Variants in TECRL observed in about 807,000 individuals in gnomAD.
TECRL encodes the protein trans-2,3-enoyl-CoA reductase-like.
Under a neutral mutation model 52.8 loss-of-function variants are expected in TECRL, and 63 were observed. The ratio of observed to expected loss-of-function variants is 1.19; its 90% CI spans 0.97 to 1.47. The LOEUF is 1.47. TECRL is among the 40% of genes most tolerant of loss of function. TECRL has a pLI of 0.00. For synonymous variants in TECRL, 164 were observed against 141.9 expected (o/e 1.16, Z -1.10); for missense variants, 482 against 429.6 (o/e 1.12, Z -1.08).
At chr4:64,390,199 A>G (rs957017962) in intron 1 of TECRL, among the ~76,000 whole-genome samples, 7 of 151,946 alleles carry the variant, frequency 4.6e-5, no homozygotes, top group Non-Finnish European at 7.4e-5. Flanking sequence ...GGCTCCTTAC[A>G]TAATTAAAGT....
chr4:64,286,170 C>T (rs1388515610), intron 9 of TECRL, among the ~76,000 whole-genome samples: 1 of 151,904 alleles, frequency 6.6e-6, no homozygotes, highest in Non-Finnish European at 1.5e-5. Context: ...AGAACACACA[C>T]ACACACAATT....
intron 2 of TECRL, among the ~76,000 whole-genome samples, chr4:64,334,617 G>A (rs1718911597): frequency 6.6e-6 from 1 of 152,114 alleles, no homozygotes; most frequent in Non-Finnish European, 1.5e-5. Context: ...TACAAAGATA[G>A]AGTGCACTAA....
At chr4:64,303,499 G>A (rs1449416767) in intron 7 of TECRL, among the ~76,000 whole-genome samples, 1 of 151,694 alleles carries the variant, frequency 6.6e-6, no homozygotes, top group African/African-American at 2.4e-5. Context: ...ACAGTTTACT[G>A]TTATCTGTAT....
chr4:64,375,068 A>G, intron 2 of TECRL, 104 bp downstream of exon 2: 1 of 458,612 alleles, frequency 2.2e-6, no homozygotes, highest in Non-Finnish European at 3.7e-6. Context: ...TTGTAGAACT[A>G]TGGTTTTCAT....
intron 1 of TECRL, among the ~76,000 whole-genome samples, chr4:64,388,876 A>T (rs1472941827): frequency 6.6e-6 from 1 of 151,880 alleles, no homozygotes; most frequent in Non-Finnish European, 1.5e-5. Context: ...ATAATTTTGA[A>T]TTGCTCTTAT....
chr4:64,333,537 A>C (rs1453168609), intron 2 of TECRL, among the ~76,000 whole-genome samples: 1 of 152,194 alleles, frequency 6.6e-6, no homozygotes, highest in Non-Finnish European at 1.5e-5. Context: ...ATTATATACA[A>C]TGTGATTATA....
At chr4:64,354,747 C>A (rs1720645769) in intron 2 of TECRL, among the ~76,000 whole-genome samples, 1 of 152,070 alleles carries the variant, frequency 6.6e-6, no homozygotes, top group Admixed American at 6.6e-5. Flanking sequence ...ATAAACTAAG[C>A]TAGGTGATAA....
Position 64,285,834 on chromosome 4 carries a change from G to T in TECRL, c.832+3876C>A, listed in dbSNP as rs192342358. 2.7e-3 allele frequency among the ~76,000 whole-genome samples: 404 copies of T among 152,158 alleles called. 1 individual carries two copies. Among genetic ancestry groups the T allele is most frequent in the Non-Finnish European group, 4.4e-3 (299 of 67,990 alleles). On this transcript the variant is annotated intron_variant, in intron 9 of 11. Coordinates refer to ENST00000381210, the MANE Select transcript of TECRL (RefSeq NM_001010874.5). ...GCCCAGAGAAGTTTGCTCAGAGAGG[G>T]AAGGCATCATGTGGAAGCTTAAAAG...
intron 1 of TECRL, among the ~76,000 whole-genome samples, chr4:64,390,187 G>T (rs2109743609): frequency 6.6e-6 from 1 of 151,984 alleles, no homozygotes; most frequent in African/African-American, 2.4e-5. Context: ...ATAAAAAATT[G>T]AGGCTCCTTA....
At chr4:64,318,702 T>A (rs62408515) in intron 4 of TECRL, among the ~76,000 whole-genome samples, 156 of 152,102 alleles carry the variant, frequency 1.0e-3, no homozygotes, top group Middle Eastern at 3.4e-3. Context: ...ACTGCCAACA[T>A]AAACTTATTT....
chr4:64,377,910 T>A (rs929632884), intron 1 of TECRL, among the ~76,000 whole-genome samples: 1 of 152,106 alleles, frequency 6.6e-6, no homozygotes, highest in Non-Finnish European at 1.5e-5. Context: ...CTGCTCATCC[T>A]GATTACAGCA....
chr4:64,356,233 A>T, intron 2 of TECRL, among the ~76,000 whole-genome samples: 1 of 152,092 alleles, frequency 6.6e-6, no homozygotes, highest in East Asian at 1.9e-4. Flanking sequence ...TCCCCATGTG[A>T]TAGTCTGAAA....
chr4:64,380,085 G>A (rs1722676838), intron 1 of TECRL, among the ~76,000 whole-genome samples: 1 of 151,988 alleles, frequency 6.6e-6, no homozygotes, highest in Non-Finnish European at 1.5e-5. Flanking sequence ...TTCCATAATA[G>A]CCATTCATAC....
At chr4:64,290,288 A>G (rs1302344497) in intron 8 of TECRL, among the ~76,000 whole-genome samples, 2 of 128,142 alleles carry the variant, frequency 1.6e-5, no homozygotes, top group Non-Finnish European at 3.3e-5. Context: ...TATGCACTCT[A>G]CTAGTTGTCC....
At chr4:64,339,834 T>A (rs1719424654) in intron 2 of TECRL, among the ~76,000 whole-genome samples, 1 of 152,188 alleles carries the variant, frequency 6.6e-6, no homozygotes, top group African/African-American at 2.4e-5. Flanking sequence ...CATTCCTTGA[T>A]TTTCCAAGAA....
chr4:64,302,528 T>C (rs954774969), intron 7 of TECRL, among the ~76,000 whole-genome samples: 3 of 151,510 alleles, frequency 2.0e-5, no homozygotes, highest in African/African-American at 7.2e-5. Context: ...ATACCTTATA[T>C]AAAGTGAAAG....
chr4:64,313,613 C>G (rs1374328708), intron 5 of TECRL, among the ~76,000 whole-genome samples: 1 of 149,686 alleles, frequency 6.7e-6, no homozygotes, highest in African/African-American at 2.4e-5. Context: ...TCCCGAGTAG[C>G]TGGGACTACA....
intron 1 of TECRL, among the ~76,000 whole-genome samples, chr4:64,380,067 C>T (rs1228939802): frequency 6.6e-6 from 1 of 152,004 alleles, no homozygotes; most frequent in African/African-American, 2.4e-5. Context: ...TTTGTTTTGC[C>T]TTTGTCTTTC....
At chr4:64,313,726 C>T (rs1055267349) in intron 5 of TECRL, among the ~76,000 whole-genome samples, 1 of 150,580 alleles carries the variant, frequency 6.6e-6, no homozygotes, top group Non-Finnish European at 1.5e-5. Flanking sequence ...TGTGATCCAC[C>T]CGCCTAGGCC....
Sources: gnomAD v4.1 joint callset for allele counts (sites outside exome capture counted in the v4.1 genomes callset) on GRCh38, gnomAD v4.1.1 for gene constraint, MANE v1.5 for transcripts, NCBI Gene and HGNC (gene_info 2026-07-23, HGNC 2026-07-21) for gene names.